Variants in KCNIP4 observed in about 807,000 individuals in gnomAD.
The protein encoded by KCNIP4 is Kv channel-interacting protein 4.
A neutral mutation model predicts 34.0 loss-of-function variants in KCNIP4; 12 were observed. The observed-to-expected ratio is 0.35, with a 90% CI of 0.23 to 0.57. The LOEUF (loss-of-function observed/expected upper bound fraction) is 0.57. Among genes scored for constraint, KCNIP4 ranks in the 20% least tolerant of loss-of-function variants. The probability of loss-of-function intolerance (pLI) is 0.83; values close to 1 mark genes in which losing one functional copy is unlikely to be tolerated. For missense variants in KCNIP4, 238 were observed against 311.7 expected, an observed-to-expected ratio of 0.76 and a Z score of 1.78; for synonymous variants, 124 against 102.2, an observed-to-expected ratio of 1.21 and a Z score of -1.29.
intron 1 of KCNIP4, among the ~76,000 whole-genome samples, chr4:21,778,502 T>G (rs1017534426): frequency 6.6e-6 from 1 of 152,130 alleles, no homozygotes; most frequent in Non-Finnish European, 1.5e-5. Flanking sequence ...GTGCTGAGAT[T>G]ACAGGTGTGA....
intron 1 of KCNIP4, among the ~76,000 whole-genome samples, chr4:21,026,799 AG>A (rs1425785302): frequency 1.3e-5 from 2 of 152,188 alleles, no homozygotes; most frequent in Non-Finnish European, 2.9e-5. Flanking sequence ...AACTGGGTAA[AG>A]GCAGACTAAG....
chr4:21,742,635 G>A (rs1716492249), intron 1 of KCNIP4, among the ~76,000 whole-genome samples: 1 of 152,100 alleles, frequency 6.6e-6, no homozygotes, highest in South Asian at 2.1e-4. Context: ...GGTAAATTTG[G>A]TCAAGTTAAT....
intron 1 of KCNIP4, among the ~76,000 whole-genome samples, chr4:21,075,692 C>T (rs1280326924): frequency 6.6e-6 from 1 of 152,120 alleles, no homozygotes; most frequent in Admixed American, 6.6e-5. Context: ...ATGATGTTAG[C>T]TGGTTGTTTT....
chr4:20,863,951 T>TACAC (rs766510957), intron 2 of KCNIP4, among the ~76,000 whole-genome samples: 1 of 150,764 alleles, frequency 6.6e-6, no homozygotes, highest in Non-Finnish European at 1.5e-5. Context: ...TGTATATATA[T>TACAC]ACACACACAC....
At position 21,308,442 on chromosome 4, in the gene KCNIP4, G is replaced by A. The variant is rs143287623; in HGVS notation, c.62-425733C>T. On this transcript the variant is annotated intron_variant, in intron 1 of 8. Coordinates refer to ENST00000382152, the MANE Select transcript of KCNIP4 (RefSeq NM_025221.6). ...AGAGGGGTTTACATTTCCATCTTATGGATGAGGAAACAAAGGCTTGTGAAG... is the reference window on the plus strand; with the variant it reads ...AGAGGGGTTTACATTTCCATCTTATAGATGAGGAAACAAAGGCTTGTGAAG... Among the ~76,000 whole-genome samples, 285 of 152,282 alleles carry A rather than the reference G, an allele frequency of 1.9e-3. 4 individuals are homozygous for A. In the East Asian group the frequency reaches 0.038, roughly 20 times the overall value.
chr4:20,793,582 G>C (rs1449905685), intron 3 of KCNIP4, among the ~76,000 whole-genome samples: 2 of 152,034 alleles, frequency 1.3e-5, no homozygotes, highest in Non-Finnish European at 2.9e-5. Flanking sequence ...GTGGCACCAG[G>C]GACCAGTTTT....
At chr4:21,933,762 T>C (rs577878925) in intron 1 of KCNIP4, among the ~76,000 whole-genome samples, 29 of 152,202 alleles carry the variant, frequency 1.9e-4, no homozygotes, top group African/African-American at 7.0e-4. Context: ...CCTAAGTACT[T>C]GCTAATTTAA....
intron 1 of KCNIP4, among the ~76,000 whole-genome samples, chr4:21,879,114 C>A (rs988052441): frequency 6.6e-6 from 1 of 152,050 alleles, no homozygotes; most frequent in African/African-American, 2.4e-5. Context: ...CTTTTCCCCC[C>A]TTAGGTCCTT....
chr4:21,364,853 T>C (rs574697951), intron 1 of KCNIP4, among the ~76,000 whole-genome samples: 1 of 152,282 alleles, frequency 6.6e-6, no homozygotes, highest in Admixed American at 6.5e-5. Flanking sequence ...GGCAACTATC[T>C]TAGAAGAAAA....
chr4:20,890,034 C>A (rs1725763565), intron 1 of KCNIP4, among the ~76,000 whole-genome samples: 1 of 152,108 alleles, frequency 6.6e-6, no homozygotes, highest in Middle Eastern at 3.2e-3. Flanking sequence ...TGTCTAGAAT[C>A]TAACCATCTG....
chr4:21,031,126 T>C (rs951175788), intron 1 of KCNIP4, among the ~76,000 whole-genome samples: 2 of 152,208 alleles, frequency 1.3e-5, no homozygotes, highest in African/African-American at 4.8e-5. Context: ...CTCCCATGAC[T>C]ATACAACCTT....
In KCNIP4 at chr4:21,138,911, G is replaced by C. The variant is rs553955497; in HGVS notation, c.62-256202C>G. The stretch of plus-strand genomic sequence containing the variant: ...GATTCTCCCCTAGAGTCTCCAGAAA[G>C]AAACACGGGCCTGCCAAGAACTTCA... On this transcript the variant is annotated intron_variant, in intron 1 of 8. Transcript: ENST00000382152. Among the ~76,000 whole-genome samples, 3 of 152,164 alleles carry C rather than the reference G, an allele frequency of 2.0e-5. No homozygotes were observed. The South Asian group carries it at 6.2e-4, about 32-fold the overall frequency.
intron 2 of KCNIP4, among the ~76,000 whole-genome samples, chr4:20,856,734 G>A (rs2149490155): frequency 6.6e-6 from 1 of 152,250 alleles, no homozygotes; most frequent in East Asian, 1.9e-4. Context: ...GACCTCAAAT[G>A]TCTTCTTCAG....
At chr4:21,172,241 A>G (rs1478149915) in intron 1 of KCNIP4, among the ~76,000 whole-genome samples, 2 of 152,128 alleles carry the variant, frequency 1.3e-5, no homozygotes, top group African/African-American at 4.8e-5. Flanking sequence ...CACATTGGCC[A>G]GTCTGGTCTC....
At chr4:20,834,000 C>T (rs1349904399) in intron 3 of KCNIP4, among the ~76,000 whole-genome samples, 1 of 152,160 alleles carries the variant, frequency 6.6e-6, no homozygotes, top group African/African-American at 2.4e-5. Flanking sequence ...CAGCCCAGGG[C>T]TGCAGATCTC....
chr4:21,054,032 T>TAGATATTGACAAAATGC (rs1743173043), intron 1 of KCNIP4, among the ~76,000 whole-genome samples: 1 of 152,134 alleles, frequency 6.6e-6, no homozygotes, highest in African/African-American at 2.4e-5. Flanking sequence ...TGACAAAATG[T>TAGATATTGACAAAATGC]AGATATTGAC....
chr4:21,184,559 T>A (rs1223350104), intron 1 of KCNIP4, among the ~76,000 whole-genome samples: 1 of 152,170 alleles, frequency 6.6e-6, no homozygotes, highest in Non-Finnish European at 1.5e-5. Flanking sequence ...TTAGCACAAT[T>A]AGCTGTAACC....
chr4:20,980,639 G>C (rs1577478385), intron 1 of KCNIP4, among the ~76,000 whole-genome samples: 2 of 152,016 alleles, frequency 1.3e-5, no homozygotes, highest in Non-Finnish European at 2.9e-5. Context: ...CATTCAAATA[G>C]ACTCAGAAGT....
intron 1 of KCNIP4, among the ~76,000 whole-genome samples, chr4:21,750,964 T>C (rs992462473): frequency 7.2e-5 from 11 of 152,138 alleles, no homozygotes; most frequent in African/African-American, 2.7e-4. Context: ...CTATATTTAC[T>C]TAAGACTGTC....
Sources: allele counts gnomAD v4.1 joint callset (sites outside exome capture counted in the v4.1 genomes callset), GRCh38; gene constraint gnomAD v4.1.1; transcripts MANE v1.5; gene names NCBI Gene and HGNC (gene_info 2026-07-23, HGNC 2026-07-21).